The following FRMD5 variants were observed in gnomAD, a reference collection of about 807,000 sequenced individuals.
FRMD5 encodes FERM domain containing 5, also known as FERM domain-containing protein 5.
Under a neutral mutation model 69.0 loss-of-function variants are expected in FRMD5, and 20 were observed. That is an observed-to-expected ratio of 0.29 (90% CI 0.20 to 0.42). The LOEUF (loss-of-function observed/expected upper bound fraction) is 0.42. Ranked by LOEUF, FRMD5 falls within the 10% of genes least tolerant of loss-of-function variation. The probability of loss-of-function intolerance (pLI) is 1.00; values close to 1 mark genes in which losing one functional copy is unlikely to be tolerated. For missense variants in FRMD5, 595 were observed against 708.6 expected, an observed-to-expected ratio of 0.84 and a Z score of 1.82; for synonymous variants, 271 against 260.1, an observed-to-expected ratio of 1.04 and a Z score of -0.40.
intron 1 of FRMD5, among the ~76,000 whole-genome samples, chr15:44,083,643 T>C (rs991005348): frequency 6.6e-6 from 1 of 152,078 alleles, no homozygotes; most frequent in Non-Finnish European, 1.5e-5. Context: ...TGCTGTTTAA[T>C]GCATTTGTTG....
chr15:44,018,544 T>C (rs543447766), intron 1 of FRMD5, among the ~76,000 whole-genome samples: 1 of 152,324 alleles, frequency 6.6e-6, no homozygotes, highest in South Asian at 2.1e-4. Flanking sequence ...AAAAATGTCC[T>C]GTCACTAAGT....
At chr15:44,180,707 C>A (rs1224891367) in intron 1 of FRMD5, among the ~76,000 whole-genome samples, 1 of 152,126 alleles carries the variant, frequency 6.6e-6, no homozygotes, top group Non-Finnish European at 1.5e-5. Flanking sequence ...ATCGCTTGAA[C>A]CTGGGAGGCA....
At chr15:43,997,869 A>T (rs1457083417) in intron 1 of FRMD5, among the ~76,000 whole-genome samples, 1 of 152,144 alleles carries the variant, frequency 6.6e-6, no homozygotes, top group Non-Finnish European at 1.5e-5. Context: ...CAACAAAAAT[A>T]TATGTTCTTC....
rs539109301 is a variant in FRMD5, at chr15:43,906,098, G to T, written c.428-147C>A. 602 of 1,005,266 alleles carry T rather than the reference G, an allele frequency of 6.0e-4. 1 individual carries two copies. Among genetic ancestry groups the T allele is most frequent in the Non-Finnish European group, 7.2e-4 (489 of 675,170 alleles). 62.3% of individuals were successfully genotyped at this position (1,005,266 alleles called of 1,614,324 possible). A position where few individuals can be genotyped will look rare whatever the true frequency, so the allele number is the denominator to read the frequency against. Reference sequence around the variant, plus strand: ...GGATTCTGAGCACGGCTGTGGGCTGGGCAGAGGGCAGGCCCTTCAGGAGCA... The same window carrying T: ...GGATTCTGAGCACGGCTGTGGGCTGTGCAGAGGGCAGGCCCTTCAGGAGCA... On this transcript the variant is annotated intron_variant, in intron 5 of 13. Transcript: ENST00000417257.
chr15:43,887,764 G>T (rs565713392), intron 10 of FRMD5, among the ~76,000 whole-genome samples: 1 of 152,236 alleles, frequency 6.6e-6, no homozygotes, highest in South Asian at 2.1e-4. Flanking sequence ...GTGAGAGCAG[G>T]GCTCACCCCA....
intron 1 of FRMD5, among the ~76,000 whole-genome samples, chr15:44,190,309 A>C (rs2078172712): frequency 6.6e-6 from 1 of 152,142 alleles, no homozygotes; most frequent in African/African-American, 2.4e-5. Flanking sequence ...TGAGAAAATG[A>C]GGCTGTGAGG....
chr15:44,038,519 G>GGTTTTTTTT (rs1413448995), intron 1 of FRMD5, among the ~76,000 whole-genome samples: 1 of 8,648 alleles, frequency 1.2e-4, no homozygotes, highest in Non-Finnish European at 4.5e-4. Flanking sequence ...GCTAGCCAGA[G>GGTTTTTTTT]CTTTTTTTTT....
chr15:44,082,433 C>A (rs1214622379), intron 1 of FRMD5, among the ~76,000 whole-genome samples: 2 of 151,942 alleles, frequency 1.3e-5, no homozygotes, highest in Non-Finnish European at 2.9e-5. Flanking sequence ...CCTGGAGAGA[C>A]CAGGTGTTTG....
intron 1 of FRMD5, among the ~76,000 whole-genome samples, chr15:44,002,128 G>T (rs1890240768): frequency 6.6e-6 from 1 of 152,130 alleles, no homozygotes; most frequent in Admixed American, 6.5e-5. Context: ...AGCACAATAA[G>T]ATGTCCCAGG....
At chr15:43,940,295 C>T (rs544947144) in intron 1 of FRMD5, among the ~76,000 whole-genome samples, 16 of 152,338 alleles carry the variant, frequency 1.1e-4, no homozygotes, top group African/African-American at 2.6e-4. Flanking sequence ...CAAGTCATCC[C>T]TGCACTCCAA....
chr15:44,010,012 C>T (rs1890641466), intron 1 of FRMD5, among the ~76,000 whole-genome samples: 1 of 152,184 alleles, frequency 6.6e-6, no homozygotes, highest in Admixed American at 6.5e-5. Flanking sequence ...ACATCATACC[C>T]TGACCTTCAA....
intron 1 of FRMD5, among the ~76,000 whole-genome samples, chr15:44,163,046 C>T (rs1485289800): frequency 1.3e-5 from 2 of 151,688 alleles, no homozygotes; most frequent in East Asian, 1.9e-4. Flanking sequence ...TGGTGGCGGG[C>T]GCCTATAGTC....
chr15:43,881,384 T>C (rs2088525490), intron 13 of FRMD5, among the ~76,000 whole-genome samples: 1 of 152,208 alleles, frequency 6.6e-6, no homozygotes, highest in Non-Finnish European at 1.5e-5. Context: ...AGCTCAGTTC[T>C]CCGGGTCAGC....
intron 4 of FRMD5, chr15:43,918,912 A>T (rs1185280504): frequency 1.1e-5 from 2 of 180,024 alleles, no homozygotes; most frequent in African/African-American, 4.8e-5. Context: ...TGGATGAGAC[A>T]GGATGCATTC....
At chr15:43,961,838 T>C (rs1250447703) in intron 1 of FRMD5, among the ~76,000 whole-genome samples, 1 of 152,122 alleles carries the variant, frequency 6.6e-6, no homozygotes, top group Non-Finnish European at 1.5e-5. Context: ...GAAAAGGCCT[T>C]TGACAAAATT....
intron 1 of FRMD5, among the ~76,000 whole-genome samples, chr15:44,123,211 G>A (rs1432080242): frequency 2.0e-5 from 3 of 151,970 alleles, no homozygotes; most frequent in Admixed American, 6.6e-5. Context: ...CAGGCATTGT[G>A]GCAGGCACCA....
intron 1 of FRMD5, among the ~76,000 whole-genome samples, chr15:43,969,608 T>G (rs1340333981): frequency 2.0e-5 from 3 of 152,192 alleles, no homozygotes; most frequent in Non-Finnish European, 4.4e-5. Flanking sequence ...AATCTTTTGA[T>G]TCCCAAAAAT....
intron 1 of FRMD5, among the ~76,000 whole-genome samples, chr15:43,996,144 G>C (rs1229707042): frequency 1.3e-5 from 2 of 152,022 alleles, no homozygotes; most frequent in African/African-American, 2.4e-5. Flanking sequence ...GGAACCTGGG[G>C]TGGGCCTGCA....
At chr15:44,116,492 A>G (rs1312321478) in intron 1 of FRMD5, among the ~76,000 whole-genome samples, 2 of 152,264 alleles carry the variant, frequency 1.3e-5, no homozygotes, top group Middle Eastern at 6.8e-3. Context: ...ACAGCCAGAG[A>G]AAGGGTACAT....
Sources: gnomAD v4.1 joint callset for allele counts (sites outside exome capture counted in the v4.1 genomes callset) on GRCh38, gnomAD v4.1.1 for gene constraint, MANE v1.5 for transcripts, NCBI Gene and HGNC (gene_info 2026-07-23, HGNC 2026-07-21) for gene names.